PRDX1: variants seen among roughly 807,000 people sequenced by gnomAD.
The protein encoded by PRDX1 is peroxiredoxin 1.
In PRDX1, 19 loss-of-function variants were observed where a neutral mutation model predicts 20.7. The ratio of observed to expected loss-of-function variants is 0.92; its 90% CI spans 0.64 to 1.35. The LOEUF (loss-of-function observed/expected upper bound fraction) is 1.35, where lower values mean the gene tolerates loss of function less well. PRDX1 is among the 40% of genes most tolerant of loss of function. The pLI, the probability that PRDX1 is intolerant of heterozygous loss-of-function variation, is 0.00. For missense variants in PRDX1, 226 were observed against 240.0 expected (o/e 0.94, Z 0.38); for synonymous variants, 89 against 83.9 (o/e 1.06, Z -0.33).
intron 3 of PRDX1, 101 bp downstream of exon 3, chr1:45,515,553 C>G: frequency 8.3e-7 from 1 of 1,208,064 alleles, no homozygotes; most frequent in Non-Finnish European, 1.1e-6. Flanking sequence ...GAGCGGAGAT[C>G]ACACCACTGC....
intron 2 of PRDX1, among the ~76,000 whole-genome samples, chr1:45,518,467 CAAA>C (rs35407028): frequency 8.3e-5 from 4 of 48,068 alleles, no homozygotes; most frequent in African/African-American, 1.9e-4. Context: ...AACTCCATCT[CAAA>C]AAAAAAAAAA....
At chr1:45,515,629 A>G (rs1557613798) in intron 3 of PRDX1, 25 bp downstream of exon 3, 4 of 1,468,888 alleles carry the variant, frequency 2.7e-6, no homozygotes, top group Non-Finnish European at 3.7e-6. Flanking sequence ...AAAAGTTCAC[A>G]TGCCAAATAG....
Position 45,515,709 on chromosome 1 carries a change from G to T in PRDX1, c.205C>A (p.Leu69Ile), listed in dbSNP as rs538020423. Residue 69 changes from leucine (L) to isoleucine (I), a missense_variant, in exon 3 of 6, where the codon CTC (leucine) becomes ATC (isoleucine). By Grantham distance (5) the Leu-to-Ile change is conservative (BLOSUM62 2). Transcript: ENST00000319248. ...GAAGCACCAATCACTTGGCAGTTGA[G>T]TTTCTTAAATTCTTCTGCCCTATCA... Reference protein sequence around the residue: ...FSDRAEEFKKLNCQVIGASVD... With the variant: ...FSDRAEEFKKINCQVIGASVD... 1 of 1,606,798 alleles carries T rather than the reference G, an allele frequency of 6.2e-7. No individual in the cohort carries two copies. Among genetic ancestry groups the T allele is most frequent in the South Asian group, 1.1e-5 (1 of 89,556 alleles).
chr1:45,513,777 T>G (rs1643802230), intron 5 of PRDX1, among the ~76,000 whole-genome samples: 1 of 152,138 alleles, frequency 6.6e-6, no homozygotes, highest in Non-Finnish European at 1.5e-5. Context: ...CTCCCTAATC[T>G]CAAGTATCCG....
intron 1 of PRDX1, among the ~76,000 whole-genome samples, chr1:45,520,205 CAAAAAAAA>C (rs59260423): frequency 0.36 from 32,708 of 91,244 alleles, 3,948 homozygotes; most frequent in East Asian, 0.46. Context: ...ACTCTGTCTC[CAAAAAAAA>C]AAAAAAAAAA....
chr1:45,518,783 GA>G (rs376485275), intron 2 of PRDX1, among the ~76,000 whole-genome samples, 154 bp downstream of exon 2: 47 of 152,354 alleles, frequency 3.1e-4, no homozygotes, highest in African/African-American at 9.6e-4. Context: ...GTAATCACTT[GA>G]TAATCACCAC....
intron 1 of PRDX1, among the ~76,000 whole-genome samples, chr1:45,519,931 G>A (rs1643892958): frequency 6.6e-6 from 1 of 152,156 alleles, no homozygotes; most frequent in South Asian, 2.1e-4. Context: ...AGACCACTGG[G>A]CGCAGTGTCT....
chr1:45,514,504 T>G lies in PRDX1; in HGVS notation c.514+3A>C, dbSNP rs1643821051. The G allele has an allele frequency of 6.2e-7, 1 of 1,614,026 alleles. No individual in the cohort carries two copies. The highest frequency in any genetic ancestry group is 8.5e-7 in the Non-Finnish European group (1 of 1,180,010). On this transcript the variant is annotated splice_donor_region_variant and intron_variant, in intron 5 of 5. Transcript: ENST00000319248. ...TTGTCCTGTTATCAGACAGATGGCTTACCTTCCCCATGTTTGTCAGTGAAC... is the reference window on the plus strand; with the variant it reads ...TTGTCCTGTTATCAGACAGATGGCTGACCTTCCCCATGTTTGTCAGTGAAC...
chr1:45,520,958 A>T (rs1209890064), intron 1 of PRDX1, among the ~76,000 whole-genome samples: 1 of 152,314 alleles, frequency 6.6e-6, no homozygotes, highest in African/African-American at 2.4e-5. Context: ...TCCAAGTCCC[A>T]AAGTTCTTAG....
intron 2 of PRDX1, among the ~76,000 whole-genome samples, chr1:45,517,426 T>C (rs1163290756): frequency 6.6e-6 from 1 of 152,112 alleles, no homozygotes; most frequent in Non-Finnish European, 1.5e-5. Context: ...CGAGCTGCTC[T>C]GGAACTACAA....
In PRDX1 at chr1:45,513,573, C is replaced by T. The variant is rs867096855; in HGVS notation, c.514+934G>A. Among the ~76,000 whole-genome samples, 9 of 152,226 alleles carry T rather than the reference C, an allele frequency of 5.9e-5. No individual in the cohort carries two copies. The Middle Eastern group carries it at 0.014, about 230-fold the overall frequency. On this transcript the variant is annotated intron_variant, in intron 5 of 5. Transcript: ENST00000319248. ...TGTAGAAAGAAGTAGACAGAGGAGACTCCATTTTGTTCTGTACTAAGAAAA... is the reference window on the plus strand; with the variant it reads ...TGTAGAAAGAAGTAGACAGAGGAGATTCCATTTTGTTCTGTACTAAGAAAA...
chr1:45,519,593 T>G (rs1269261070), intron 1 of PRDX1, among the ~76,000 whole-genome samples: 1 of 152,180 alleles, frequency 6.6e-6, no homozygotes, highest in Non-Finnish European at 1.5e-5. Flanking sequence ...TTTTATTTGT[T>G]TTTGTTTTGT....
In PRDX1 at chr1:45,511,311, A is replaced by C; in HGVS notation, c.*18T>G. On this transcript the variant is annotated 3_prime_UTR_variant, in exon 6 of 6. Transcript: ENST00000319248. ...TCATGGCTGCCCACCGCAGCCTGGC[A>C]CTAAAACAGCCCAGCGCTCACTTCT... 4.4e-6 allele frequency: 7 copies of C among 1,591,462 alleles called. No homozygotes were observed. The highest frequency in any genetic ancestry group is 6.0e-6 in the Non-Finnish European group (7 of 1,167,516).
intron 2 of PRDX1, among the ~76,000 whole-genome samples, chr1:45,517,187 C>CCT (rs1366503709): frequency 6.6e-6 from 1 of 152,118 alleles, no homozygotes; most frequent in Non-Finnish European, 1.5e-5. Flanking sequence ...TCCTCCTAGA[C>CCT]CTCCTGCTTA....
intron 3 of PRDX1, 139 bp from the exon 4 acceptor site, chr1:45,515,134 G>T: frequency 8.1e-7 from 1 of 1,241,138 alleles, no homozygotes; most frequent in Non-Finnish European, 1.1e-6. Context: ...TAAAGTGAAT[G>T]CTGAGAACAG....
Position 45,511,337 on chromosome 1 carries a change from G to A in PRDX1, c.592C>T (p.Gln198Ter), listed in dbSNP as rs200769887. ...CTAAAACAGCCCAGCGCTCACTTCT[G>A]CTTGGAGAAATATTCTTTGCTCTTT... ...VQKSKEYFSKQK is the reference protein window; with the variant it reads ...VQKSKEYFSK The change falls in exon 6 of 6, where the codon CAG (glutamine) becomes TAG (stop). Residue 198 changes from glutamine to a stop codon, truncating the protein, a stop_gained. Transcript: ENST00000319248. LOFTEE classifies it high-confidence loss of function. The A allele has an allele frequency of 6.2e-7, 1 of 1,612,086 alleles. No homozygotes were observed. The highest frequency in any genetic ancestry group is 8.5e-7 in the Non-Finnish European group (1 of 1,179,020).
At chr1:45,511,640 C>G in intron 5 of PRDX1, 1 of 372,232 alleles carries the variant, frequency 2.7e-6, no homozygotes, top group Non-Finnish European at 4.8e-6. Flanking sequence ...TCATGTAGCA[C>G]TTGAAATTTA....
upstream of PRDX1, among the ~76,000 whole-genome samples, chr1:45,522,439 G>A (rs1643922920): frequency 6.6e-6 from 1 of 152,072 alleles, no homozygotes; most frequent in African/African-American, 2.4e-5. Flanking sequence ...CTAAACTTAC[G>A]CCAGAGGGAA....
At chr1:45,520,703 G>A (rs1208007012) in intron 1 of PRDX1, among the ~76,000 whole-genome samples, 2 of 132,688 alleles carry the variant, frequency 1.5e-5, no homozygotes, top group East Asian at 2.2e-4. Context: ...CAGCCTGGGC[G>A]ACAGAGCGAG....
Sources: allele counts gnomAD v4.1 joint callset (sites outside exome capture counted in the v4.1 genomes callset), GRCh38; gene constraint gnomAD v4.1.1; transcripts MANE v1.5; gene names NCBI Gene and HGNC (gene_info 2026-07-23, HGNC 2026-07-21).